Variants in CCDC73 observed in about 807,000 individuals in gnomAD.
CCDC73 encodes coiled-coil domain containing 73.
A neutral mutation model predicts 116.5 loss-of-function variants in CCDC73; 95 were observed. That is an observed-to-expected ratio of 0.82 (90% CI 0.69 to 0.97). CCDC73 has a LOEUF of 0.97. Ranked by LOEUF, CCDC73 falls within the 50% of genes least tolerant of loss-of-function variation. CCDC73 has a pLI of 0.00. For missense variants in CCDC73, 1,066 were observed against 1,206.8 expected (o/e 0.88, Z 1.73); for synonymous variants, 398 against 401.3 (o/e 0.99, Z 0.10).
At chr11:32,654,444 G>A (rs1474714502) in intron 10 of CCDC73, among the ~76,000 whole-genome samples, 1 of 152,102 alleles carries the variant, frequency 6.6e-6, no homozygotes, top group Non-Finnish European at 1.5e-5. Context: ...AAAGTGCTGG[G>A]ATTACAGGCG....
chr11:32,606,532 G>C lies in CCDC73; in HGVS notation c.3031-3512C>G, dbSNP rs139747592. Among the ~76,000 whole-genome samples, 3 of 152,280 alleles carry C rather than the reference G, an allele frequency of 2.0e-5. No individual in the cohort carries two copies. In the East Asian group the frequency reaches 5.8e-4, roughly 29 times the overall value. ...ACAATGAAGCTTACCATAGTACTTG[G>C]CACATAGTAATAAGCACTTAGAAAA... On this transcript the variant is annotated intron_variant, in intron 17 of 17. Coordinates refer to ENST00000335185, the MANE Select transcript of CCDC73 (RefSeq NM_001008391.4).
Position 32,614,588 on chromosome 11 carries a change from T to C in CCDC73, c.1730A>G (p.Asn577Ser). Reference protein sequence around the residue: ...LEVENNKTSFNSILNETAHNT... With the variant: ...LEVENNKTSFSSILNETAHNT... ...GTGTGCTGTCTCATTTAAAATACTG[T>C]TAAATGATGTTTTGTTATTTTCAAC... is the stretch of plus-strand genomic sequence containing the variant. Residue 577 changes from asparagine (N) to serine (S), a missense_variant, in exon 16 of 18, where the codon AAC (asparagine) becomes AGC (serine). Coordinates refer to ENST00000335185, the MANE Select transcript of CCDC73 (RefSeq NM_001008391.4). 6.2e-7 allele frequency: 1 copy of C among 1,611,224 alleles called. No homozygotes were observed. Among genetic ancestry groups the C allele is most frequent in the Non-Finnish European group, 8.5e-7 (1 of 1,177,824 alleles).
chr11:32,794,441 A>T (rs1388821629), intron 1 of CCDC73, 172 bp downstream of exon 1: 1 of 152,334 alleles, frequency 6.6e-6, no homozygotes, highest in Admixed American at 6.5e-5. Flanking sequence ...TTCTAGACAC[A>T]GCCCAGCAGT....
At chr11:32,817,064 C>T in the CCDC73 span, among the ~76,000 whole-genome samples, 2 of 152,258 alleles carry the variant, frequency 1.3e-5, no homozygotes, top group South Asian at 4.1e-4. Flanking sequence ...GGATTACAGG[C>T]GTGAGCCACC....
intron 12 of CCDC73, among the ~76,000 whole-genome samples, chr11:32,645,566 GGCAT>G (rs1855771231): frequency 1.3e-5 from 2 of 152,042 alleles, no homozygotes; most frequent in Non-Finnish European, 2.9e-5. Flanking sequence ...TGGGATTACA[GGCAT>G]GAGCCACCAC....
chr11:32,633,435 A>G (rs1213466710), intron 14 of CCDC73, among the ~76,000 whole-genome samples: 2 of 152,168 alleles, frequency 1.3e-5, no homozygotes. Flanking sequence ...AATTACCCCA[A>G]CTGGCTCTTT....
At chr11:32,743,207 T>C (rs186746625) in intron 2 of CCDC73, among the ~76,000 whole-genome samples, 64 of 152,348 alleles carry the variant, frequency 4.2e-4, no homozygotes, top group African/African-American at 1.5e-3. Flanking sequence ...CAGTGGTAGC[T>C]TGATGGGGAC....
intron 6 of CCDC73, among the ~76,000 whole-genome samples, chr11:32,683,897 G>A (rs1223728053): frequency 1.3e-5 from 2 of 152,126 alleles, no homozygotes; most frequent in East Asian, 3.8e-4. Flanking sequence ...GAGAGATAGA[G>A]AGAGCAGTCT....
rs1189150668 is a variant in CCDC73 at position 32,613,704 on chromosome 11, CTA to C, written c.2612_2613del (p.Ile871ArgfsTer16). 1.9e-6 allele frequency: 3 copies of C among 1,613,948 alleles called. No individual in the cohort carries two copies. Among genetic ancestry groups the C allele is most frequent in the Non-Finnish European group, 2.5e-6 (3 of 1,180,006 alleles). On this transcript the variant is annotated frameshift_variant, in exon 16 of 18. Coordinates refer to ENST00000335185, the MANE Select transcript of CCDC73 (RefSeq NM_001008391.4). LOFTEE classifies it high-confidence loss of function. The part of the protein sequence containing the change: ...GQLEESHSFH[I>X]EPSGDLVNRS... ...CTGTTTACTAAATCTCCAGATGGCT[CTA>C]TGTGAAATGAATGTGATTCCTCCAG...
At chr11:32,778,839 C>T (rs1850558729) in intron 1 of CCDC73, among the ~76,000 whole-genome samples, 1 of 151,798 alleles carries the variant, frequency 6.6e-6, no homozygotes, top group Non-Finnish European at 1.5e-5. Flanking sequence ...TGCTAAATAC[C>T]CAAAAATATG....
intron 3 of CCDC73, among the ~76,000 whole-genome samples, chr11:32,709,245 T>G (rs9787751): frequency 0.27 from 41,233 of 152,170 alleles, 6,476 homozygotes; most frequent in East Asian, 0.79. Context: ...GCATTCCTTG[T>G]ATGAAACCTA....
Position 32,602,923 on chromosome 11 carries a change from A to G in CCDC73, c.3128T>C (p.Leu1043Pro). Residue 1043 changes from leucine to proline, a missense_variant, in exon 18 of 18, where the codon CTC becomes CCC. Leu to Pro is a moderately conservative substitution (Grantham distance 98, BLOSUM62 -3). Coordinates refer to ENST00000335185, the MANE Select transcript of CCDC73 (RefSeq NM_001008391.4). The stretch of plus-strand genomic sequence containing the variant: ...ACTTTTATTTAGTTGATTCGTAATG[A>G]GGCTCTGCCAGTCATCATCACCAGA... Reference protein sequence around the residue: ...NTSGDDDWQSLITNQLNKSEN... With the variant: ...NTSGDDDWQSPITNQLNKSEN... 6.2e-7 allele frequency: 1 copy of G among 1,613,074 alleles called. No individual in the cohort carries two copies. The highest frequency in any genetic ancestry group is 1.1e-5 in the South Asian group (1 of 90,880).
chr11:32,694,407 A>C (rs1394336720), intron 6 of CCDC73, among the ~76,000 whole-genome samples: 1 of 152,128 alleles, frequency 6.6e-6, no homozygotes, highest in Non-Finnish European at 1.5e-5. Context: ...CTGTTCAACG[A>C]AATAAAAGAG....
intron 9 of CCDC73, among the ~76,000 whole-genome samples, chr11:32,670,846 C>A (rs1480234229): frequency 1.2e-4 from 18 of 151,842 alleles, no homozygotes; most frequent in Admixed American, 1.2e-3. Context: ...AATAGGGAGG[C>A]GGGGAGGAGA....
At chr11:32,642,744 T>C (rs1417717243) in intron 12 of CCDC73, among the ~76,000 whole-genome samples, 1 of 151,868 alleles carries the variant, frequency 6.6e-6, no homozygotes, top group Non-Finnish European at 1.5e-5. Flanking sequence ...TCCAAGTAAA[T>C]TTCTATAAAA....
At chr11:32,745,793 T>A (rs1471065412) in intron 2 of CCDC73, among the ~76,000 whole-genome samples, 2 of 145,064 alleles carry the variant, frequency 1.4e-5, no homozygotes, top group Non-Finnish European at 3.0e-5. Flanking sequence ...TCCTCCTCCA[T>A]CCCTTTATTT....
chr11:32,764,771 C>T (rs372261458), intron 1 of CCDC73, among the ~76,000 whole-genome samples: 4 of 152,200 alleles, frequency 2.6e-5, no homozygotes, highest in Admixed American at 6.5e-5. Flanking sequence ...CAATATTAAC[C>T]TTAAATGTAA....
chr11:32,802,634 C>T, the CCDC73 span, among the ~76,000 whole-genome samples: 1 of 152,218 alleles, frequency 6.6e-6, no homozygotes, highest in Non-Finnish European at 1.5e-5. Flanking sequence ...TTCTAACAAG[C>T]AATTCCTGGT....
At chr11:32,632,714 G>A (rs112201074) in intron 14 of CCDC73, among the ~76,000 whole-genome samples, 4,421 of 151,832 alleles carry the variant, frequency 0.029, 80 homozygotes, top group Non-Finnish European at 0.039. Flanking sequence ...AGTTCTGTCA[G>A]TTTTTGCTTC....
Sources: gnomAD v4.1 joint callset for allele counts (sites outside exome capture counted in the v4.1 genomes callset) on GRCh38, gnomAD v4.1.1 for gene constraint, MANE v1.5 for transcripts, NCBI Gene and HGNC (gene_info 2026-07-23, HGNC 2026-07-21) for gene names.